HCRTR2: variants seen among roughly 807,000 people sequenced by gnomAD.
The protein encoded by HCRTR2 is orexin receptor type 2.
Under a neutral mutation model 49.0 loss-of-function variants are expected in HCRTR2, and 22 were observed. That is an observed-to-expected ratio of 0.45 (90% CI 0.32 to 0.64). HCRTR2 has a LOEUF of 0.64. HCRTR2 is among the 30% of genes least tolerant of loss of function. The pLI is 0.04. For synonymous variants in HCRTR2, 236 were observed against 205.3 expected, an observed-to-expected ratio of 1.15 and a Z score of -1.28; for missense variants, 491 against 559.4, an observed-to-expected ratio of 0.88 and a Z score of 1.23.
At chr6:55,269,633 A>T (rs1207762668) in intron 4 of HCRTR2, among the ~76,000 whole-genome samples, 1 of 152,184 alleles carries the variant, frequency 6.6e-6, no homozygotes, top group Non-Finnish European at 1.5e-5. Context: ...TTAATCAAAT[A>T]CCTAGAAGTA....
intron 1 of HCRTR2, among the ~76,000 whole-genome samples, chr6:55,116,312 G>C (rs1477432128): frequency 6.6e-6 from 1 of 151,730 alleles, no homozygotes; most frequent in Non-Finnish European, 1.5e-5. Context: ...AATTATTTGA[G>C]TCGACTAATT....
At chr6:55,126,395 C>T (rs1195077581) in intron 1 of HCRTR2, among the ~76,000 whole-genome samples, 5 of 152,202 alleles carry the variant, frequency 3.3e-5, no homozygotes, top group Non-Finnish European at 5.9e-5. Context: ...TGGAGGTCCA[C>T]TCCTGACCCT....
At chr6:55,131,159 T>C (rs1764350096) in intron 1 of HCRTR2, among the ~76,000 whole-genome samples, 1 of 151,804 alleles carries the variant, frequency 6.6e-6, no homozygotes, top group African/African-American at 2.4e-5. Flanking sequence ...AGATCTTTTT[T>C]TTCATGATGT....
intron 1 of HCRTR2, among the ~76,000 whole-genome samples, chr6:55,238,247 A>G (rs968865276): frequency 2.6e-5 from 4 of 151,894 alleles, no homozygotes; most frequent in Admixed American, 1.3e-4. Flanking sequence ...AGTTCTTCTT[A>G]CTCTCTCATC....
rs377432858 is a variant in HCRTR2 at position 55,194,751 on chromosome 6, G to C, written c.223+19941G>C. On this transcript the variant is annotated intron_variant, in intron 1 of 6. Transcript: ENST00000370862. The stretch of plus-strand genomic sequence containing the variant: ...ATGAGTTTGGTATTTAATTATGTGT[G>C]TTTGTCATTCAGTAGGCTGGAAGTA... Among the ~76,000 whole-genome samples, 106 of 152,084 alleles carry C rather than the reference G, an allele frequency of 7.0e-4. 3 individuals carry two copies. The South Asian group carries it at 0.016, about 24-fold the overall frequency.
intron 1 of HCRTR2, among the ~76,000 whole-genome samples, chr6:55,141,322 C>T (rs12199547): frequency 0.049 from 7,367 of 151,428 alleles, 234 homozygotes; most frequent in African/African-American, 0.084. Flanking sequence ...CCAGCCTGGG[C>T]GACAGAGCAA....
chr6:55,235,662 A>G (rs1324949689), intron 1 of HCRTR2, among the ~76,000 whole-genome samples: 1 of 152,040 alleles, frequency 6.6e-6, no homozygotes, highest in African/African-American at 2.4e-5. Flanking sequence ...ATATGATGTG[A>G]TGTAGAAATC....
intron 1 of HCRTR2, among the ~76,000 whole-genome samples, chr6:55,107,617 T>A (rs1425624711): frequency 6.6e-6 from 1 of 152,138 alleles, no homozygotes; most frequent in East Asian, 1.9e-4. Context: ...TTTAAAAAAA[T>A]GTATATATTA....
chr6:55,264,006 T>C, intron 4 of HCRTR2, 184 bp downstream of exon 4: 1 of 586,356 alleles, frequency 1.7e-6, no homozygotes, highest in Non-Finnish European at 3.0e-6. Context: ...TTTAAAGTAA[T>C]GAGAACCCAG....
chr6:55,208,380 T>C (rs935824824), intron 1 of HCRTR2, among the ~76,000 whole-genome samples: 1 of 150,082 alleles, frequency 6.7e-6, no homozygotes, highest in Non-Finnish European at 1.5e-5. Flanking sequence ...TAATGCCAGC[T>C]ACTCGGGAGG....
chr6:55,247,402 A>G (rs1251307479), intron 1 of HCRTR2, among the ~76,000 whole-genome samples: 2 of 152,156 alleles, frequency 1.3e-5, no homozygotes, highest in Admixed American at 1.3e-4. Context: ...TTTCCAGCTT[A>G]TGAAACTATT....
intron 1 of HCRTR2, among the ~76,000 whole-genome samples, chr6:55,189,838 A>G: frequency 6.6e-6 from 1 of 152,240 alleles, no homozygotes. Context: ...TGCTTGTCTT[A>G]TTCGTTTTTT....
Position 55,159,624 on chromosome 6 carries a change from A to G in HCRTR2, c.-377-14587A>G, listed in dbSNP as rs186363637. On this transcript the variant is annotated intron_variant, in intron 1 of 7. Coordinates refer to the HCRTR2 transcript ENST00000615358. ...AGAGTAATTGCTAACTAGAATAACC[A>G]GTTTAGAGAAGAGCATAAATGACCT... Among the ~76,000 whole-genome samples the G allele has an allele frequency of 5.8e-3, 876 of 152,334 alleles. 7 individuals carry two copies. The highest frequency in any genetic ancestry group is 0.02 in the African/African-American group (832 of 41,580).
At chr6:55,216,231 A>G (rs1765784115) in intron 1 of HCRTR2, among the ~76,000 whole-genome samples, 1 of 152,190 alleles carries the variant, frequency 6.6e-6, no homozygotes, top group South Asian at 2.1e-4. Context: ...AAGTTTTAAC[A>G]TGAGTTTCAG....
intron 1 of HCRTR2, among the ~76,000 whole-genome samples, chr6:55,212,744 G>GATTCTTAA (rs1297744658): frequency 2.6e-5 from 4 of 152,094 alleles, no homozygotes; most frequent in Non-Finnish European, 2.9e-5. Context: ...AATTTATCTG[G>GATTCTTAA]ATTCTTAAAT....
chr6:55,148,249 CGTGT>C (rs1053767547), intron 1 of HCRTR2, among the ~76,000 whole-genome samples: 1 of 150,906 alleles, frequency 6.6e-6, no homozygotes, highest in African/African-American at 2.4e-5. Flanking sequence ...TGTGTGTGTG[CGTGT>C]GTGTGTGTGT....
chr6:55,167,039 C>T lies in HCRTR2; in HGVS notation c.-377-7172C>T, dbSNP rs181838777. On this transcript the variant is annotated intron_variant, in intron 1 of 7. Transcript: ENST00000615358. Reference sequence around the variant, plus strand: ...CCAGCATGTGGGAGGAGAGGAAAATCAGTAGTTATGAGGTTTCTGGAATTA... The same window carrying T: ...CCAGCATGTGGGAGGAGAGGAAAATTAGTAGTTATGAGGTTTCTGGAATTA... Among the ~76,000 whole-genome samples the T allele has an allele frequency of 1.2e-3, 186 of 152,186 alleles. 1 individual carries two copies. The highest frequency in any genetic ancestry group is 0.01 in the Middle Eastern group (3 of 294).
intron 1 of HCRTR2, among the ~76,000 whole-genome samples, chr6:55,244,914 A>G (rs978820170): frequency 1.3e-5 from 2 of 152,006 alleles, no homozygotes; most frequent in African/African-American, 2.4e-5. Flanking sequence ...TTTATTGAGT[A>G]AGGCGTCCTT....
At chr6:55,269,017 G>T (rs372159535) in intron 4 of HCRTR2, among the ~76,000 whole-genome samples, 1 of 151,260 alleles carries the variant, frequency 6.6e-6, no homozygotes, top group South Asian at 2.1e-4. Context: ...GTGAACCCGG[G>T]GGGTGGAGCC....
Sources: gnomAD v4.1 joint callset for allele counts (sites outside exome capture counted in the v4.1 genomes callset) on GRCh38, gnomAD v4.1.1 for gene constraint, MANE v1.5 for transcripts, NCBI Gene and HGNC (gene_info 2026-07-23, HGNC 2026-07-21) for gene names.